ST6GALNAC3: variants seen among roughly 807,000 people sequenced by gnomAD.
ST6GALNAC3 encodes the protein alpha-N-acetylgalactosaminide alpha-2,6-sialyltransferase 3.
A neutral mutation model predicts 32.7 loss-of-function variants in ST6GALNAC3; 25 were observed. That is an observed-to-expected ratio of 0.76 (90% CI 0.56 to 1.07). The LOEUF is 1.07. ST6GALNAC3 is among the 50% of genes least tolerant of loss of function. ST6GALNAC3 has a pLI of 0.00. For synonymous variants in ST6GALNAC3, 129 were observed against 133.1 expected (o/e 0.97, Z 0.21); for missense variants, 355 against 382.4 (o/e 0.93, Z 0.60).
chr1:76,398,268 T>C (rs184088014), intron 2 of ST6GALNAC3, among the ~76,000 whole-genome samples: 82 of 152,318 alleles, frequency 5.4e-4, no homozygotes, highest in Non-Finnish European at 1.3e-4. Context: ...TTAATATGCA[T>C]TGACAATCTC....
intron 1 of ST6GALNAC3, among the ~76,000 whole-genome samples, chr1:76,261,598 A>G (rs751532700): frequency 6.6e-5 from 10 of 152,354 alleles, no homozygotes; most frequent in Middle Eastern, 3.4e-3. Context: ...AATGAGAAAA[A>G]CAGTGCTGCT....
At position 76,629,194 on chromosome 1, in the gene ST6GALNAC3, A is replaced by G; in HGVS notation, c.*388A>G. On this transcript the variant is annotated 3_prime_UTR_variant, in exon 5 of 5. Transcript: ENST00000328299. Reference sequence around the variant, plus strand: ...GAGTTTGGCTTCATGAGGCAAGGTGATTGACTCAATGGCTTGTTGAATCTC... The same window carrying G: ...GAGTTTGGCTTCATGAGGCAAGGTGGTTGACTCAATGGCTTGTTGAATCTC... 9.9e-7 allele frequency: 1 copy of G among 1,012,820 alleles called. No homozygotes were observed. The highest frequency in any genetic ancestry group is 1.2e-6 in the Non-Finnish European group (1 of 849,036). 62.7% of individuals were successfully genotyped at this position (1,012,820 alleles called of 1,614,324 possible). A position where few individuals can be genotyped will look rare whatever the true frequency, so the allele number is the denominator to read the frequency against.
At chr1:76,384,513 T>G (rs1292912812) in intron 2 of ST6GALNAC3, among the ~76,000 whole-genome samples, 1 of 152,178 alleles carries the variant, frequency 6.6e-6, no homozygotes, top group Non-Finnish European at 1.5e-5. Context: ...ATTTAGTAGA[T>G]TTGAATAACA....
At chr1:76,439,982 T>C (rs1391887024) in intron 3 of ST6GALNAC3, among the ~76,000 whole-genome samples, 1 of 152,254 alleles carries the variant, frequency 6.6e-6, no homozygotes. Context: ...TATGTTGTTA[T>C]AAACGTGTTT....
chr1:76,500,830 A>G (rs1661134617), intron 3 of ST6GALNAC3, among the ~76,000 whole-genome samples: 1 of 152,242 alleles, frequency 6.6e-6, no homozygotes, highest in African/African-American at 2.4e-5. Context: ...TGTGGAATGT[A>G]TATAGATGTA....
chr1:76,319,095 C>T (rs147939863), intron 2 of ST6GALNAC3, among the ~76,000 whole-genome samples: 1 of 152,206 alleles, frequency 6.6e-6, no homozygotes, highest in African/African-American at 2.4e-5. Flanking sequence ...CAATAGGATG[C>T]CAAGGCCAGA....
chr1:76,462,892 AC>A (rs1658377882), intron 3 of ST6GALNAC3, among the ~76,000 whole-genome samples: 1 of 152,202 alleles, frequency 6.6e-6, no homozygotes, highest in South Asian at 2.1e-4. Context: ...GTGACCAATT[AC>A]ATATCTGCTG....
chr1:76,478,924 G>A (rs990419192), intron 3 of ST6GALNAC3, among the ~76,000 whole-genome samples: 36 of 151,496 alleles, frequency 2.4e-4, no homozygotes, highest in African/African-American at 5.8e-4. Context: ...CACCACGCCC[G>A]GCTAATTTTT....
At chr1:76,202,256 G>T (rs1029909612) in intron 1 of ST6GALNAC3, among the ~76,000 whole-genome samples, 2 of 147,908 alleles carry the variant, frequency 1.4e-5, no homozygotes, top group African/African-American at 5.0e-5. Flanking sequence ...GGTGGAGAGT[G>T]TGTGTGCATG....
At chr1:76,079,106 C>T (rs1646855928) in intron 1 of ST6GALNAC3, among the ~76,000 whole-genome samples, 1 of 152,128 alleles carries the variant, frequency 6.6e-6, no homozygotes, top group Non-Finnish European at 1.5e-5. Context: ...TTTCATTAAG[C>T]AGCTCTGATG....
intron 1 of ST6GALNAC3, among the ~76,000 whole-genome samples, chr1:76,287,948 G>A (rs568095636): frequency 6.6e-5 from 10 of 152,206 alleles, no homozygotes; most frequent in Non-Finnish European, 1.3e-4. Context: ...AGGTCCTAGA[G>A]TTTGTGAGCA....
At chr1:76,079,950 C>T (rs900412579) in intron 1 of ST6GALNAC3, among the ~76,000 whole-genome samples, 1 of 152,178 alleles carries the variant, frequency 6.6e-6, no homozygotes, top group African/African-American at 2.4e-5. Context: ...CATGTACTGT[C>T]AATAAACTGC....
At chr1:76,464,293 G>C (rs538601934) in intron 3 of ST6GALNAC3, among the ~76,000 whole-genome samples, 1 of 152,266 alleles carries the variant, frequency 6.6e-6, no homozygotes, top group African/African-American at 2.4e-5. Context: ...AATATGGAAA[G>C]TTATTTAAAA....
At chr1:76,115,459 G>A (rs1409797716) in intron 1 of ST6GALNAC3, among the ~76,000 whole-genome samples, 1 of 152,152 alleles carries the variant, frequency 6.6e-6, no homozygotes, top group Non-Finnish European at 1.5e-5. Context: ...CACAGAAGGA[G>A]TCATTTACAT....
At chr1:76,145,830 T>G (rs1398893526) in intron 1 of ST6GALNAC3, among the ~76,000 whole-genome samples, 1 of 152,206 alleles carries the variant, frequency 6.6e-6, no homozygotes, top group Non-Finnish European at 1.5e-5. Context: ...TCCTGAATAG[T>G]GGGATCACAA....
intron 3 of ST6GALNAC3, chr1:76,576,848 C>T (rs1164730763): frequency 2.3e-6 from 3 of 1,304,924 alleles, no homozygotes; most frequent in Non-Finnish European, 3.0e-6. Flanking sequence ...ATATCCAGTA[C>T]AGAGTGACCA....
chr1:76,241,401 G>A (rs1570550824), intron 1 of ST6GALNAC3, among the ~76,000 whole-genome samples: 1 of 152,236 alleles, frequency 6.6e-6, no homozygotes, highest in South Asian at 2.1e-4. Flanking sequence ...TAGTGAGAGA[G>A]GAAGCAAGAG....
Position 76,126,543 on chromosome 1 carries a change from C to G in ST6GALNAC3, c.18+51659C>G, listed in dbSNP as rs566591666. Among the ~76,000 whole-genome samples, 6 of 150,950 alleles carry G rather than the reference C, an allele frequency of 4.0e-5. No individual in the cohort carries two copies. In the East Asian group the frequency reaches 1.2e-3, roughly 30 times the overall value. On this transcript the variant is annotated intron_variant, in intron 1 of 4. Coordinates refer to ENST00000328299, the MANE Select transcript of ST6GALNAC3 (RefSeq NM_152996.4). ...TCATGATACTGTACTTTTTTCTTTT[C>G]TTAATCAAGTGAACATCTTCCTTAG...
intron 3 of ST6GALNAC3, among the ~76,000 whole-genome samples, chr1:76,533,447 C>A (rs962311655): frequency 6.6e-6 from 1 of 152,166 alleles, no homozygotes; most frequent in South Asian, 2.1e-4. Flanking sequence ...TGCTGCCAGT[C>A]TCTTATTCTT....
Sources: allele counts gnomAD v4.1 joint callset (sites outside exome capture counted in the v4.1 genomes callset), GRCh38; gene constraint gnomAD v4.1.1; transcripts MANE v1.5; gene names NCBI Gene and HGNC (gene_info 2026-07-23, HGNC 2026-07-21).